The following SLIT3 variants were observed in gnomAD, a reference collection of about 807,000 sequenced individuals.
SLIT3 encodes slit guidance ligand 3.
In SLIT3, 68 loss-of-function variants were observed where a neutral mutation model predicts 184.0. The observed-to-expected ratio is 0.37, with a 90% CI of 0.30 to 0.45. The LOEUF is 0.45. SLIT3 is among the 20% of genes least tolerant of loss of function. The pLI, the probability that SLIT3 is intolerant of heterozygous loss-of-function variation, is 1.00. For synonymous variants in SLIT3, 831 were observed against 828.6 expected (o/e 1.00, Z -0.05); for missense variants, 1,707 against 2,026.0 (o/e 0.84, Z 3.02).
chr5:169,184,174 G>A (rs566216616), intron 4 of SLIT3, among the ~76,000 whole-genome samples: 19 of 152,312 alleles, frequency 1.2e-4, no homozygotes, highest in African/African-American at 4.6e-4. Flanking sequence ...ATAAGAGCAC[G>A]TGCTTATATA....
chr5:169,068,944 A>G (rs1460607431), intron 4 of SLIT3, among the ~76,000 whole-genome samples: 23 of 152,196 alleles, frequency 1.5e-4, no homozygotes. Flanking sequence ...TAATATATTT[A>G]TTGGGTGTTT....
intron 4 of SLIT3, among the ~76,000 whole-genome samples, chr5:169,136,848 T>C (rs554355672): frequency 6.6e-6 from 1 of 152,284 alleles, no homozygotes; most frequent in African/African-American, 2.4e-5. Context: ...TTTAGGCCTC[T>C]GGACTTTAGA....
intron 3 of SLIT3, among the ~76,000 whole-genome samples, chr5:169,197,195 C>T (rs1349357057): frequency 6.6e-6 from 1 of 152,144 alleles, no homozygotes; most frequent in Non-Finnish European, 1.5e-5. Flanking sequence ...TTGTGTGCTG[C>T]CCACTGCTTC....
chr5:168,777,889 G>T (rs1755818099), intron 12 of SLIT3, among the ~76,000 whole-genome samples: 2 of 152,242 alleles, frequency 1.3e-5, no homozygotes, highest in South Asian at 4.1e-4. Flanking sequence ...TGGCTTCCAT[G>T]AAAGGAGCTC....
chr5:168,979,212 C>A (rs1754869325), intron 4 of SLIT3, among the ~76,000 whole-genome samples: 1 of 152,234 alleles, frequency 6.6e-6, no homozygotes, highest in African/African-American at 2.4e-5. Context: ...CAAACCAGAT[C>A]AACCTTCAAA....
intron 7 of SLIT3, among the ~76,000 whole-genome samples, chr5:168,820,137 G>A (rs184601923): frequency 2.0e-5 from 3 of 152,300 alleles, no homozygotes; most frequent in South Asian, 2.1e-4. Flanking sequence ...CAGGGGTAGC[G>A]CTAATCCTCT....
chr5:168,725,245 C>G (rs1763071242), intron 20 of SLIT3, among the ~76,000 whole-genome samples: 1 of 152,158 alleles, frequency 6.6e-6, no homozygotes, highest in South Asian at 2.1e-4. Context: ...CTACACTGAC[C>G]TGCTCACCTA....
chr5:168,776,953 G>A (rs925711504), intron 12 of SLIT3, among the ~76,000 whole-genome samples: 27 of 152,072 alleles, frequency 1.8e-4, no homozygotes, highest in African/African-American at 6.0e-4. Context: ...CAGGTCAGAG[G>A]TGCCCATTTG....
intron 5 of SLIT3, among the ~76,000 whole-genome samples, chr5:168,854,819 C>T (rs1758803668): frequency 6.6e-6 from 1 of 152,158 alleles, no homozygotes; most frequent in South Asian, 2.1e-4. Flanking sequence ...CGAGGCATCA[C>T]TCAAAGGTAT....
At chr5:168,861,862 C>G (rs1244121067) in intron 5 of SLIT3, among the ~76,000 whole-genome samples, 1 of 152,206 alleles carries the variant, frequency 6.6e-6, no homozygotes, top group African/African-American at 2.4e-5. Context: ...TGTTCAACTT[C>G]TGAGGCACAC....
At chr5:168,839,448 A>T (rs886788210) in intron 6 of SLIT3, among the ~76,000 whole-genome samples, 1 of 152,210 alleles carries the variant, frequency 6.6e-6, no homozygotes, top group Non-Finnish European at 1.5e-5. Context: ...AGCTGACTGC[A>T]ATGCAGAAAT....
At chr5:169,086,533 G>T (rs572829020) in intron 4 of SLIT3, among the ~76,000 whole-genome samples, 38 of 152,152 alleles carry the variant, frequency 2.5e-4, no homozygotes, top group Non-Finnish European at 4.7e-4. Context: ...AAAAATAAAA[G>T]AAATGCACAT....
chr5:168,964,922 G>T (rs1303013917), intron 4 of SLIT3, among the ~76,000 whole-genome samples: 1 of 152,212 alleles, frequency 6.6e-6, no homozygotes, highest in Non-Finnish European at 1.5e-5. Flanking sequence ...AGGTATGGTT[G>T]ATGTGTCCAA....
intron 4 of SLIT3, among the ~76,000 whole-genome samples, chr5:169,137,701 C>T (rs1275853316): frequency 2.0e-5 from 3 of 151,884 alleles, no homozygotes; most frequent in Non-Finnish European, 4.4e-5. Context: ...ACCCTCACAT[C>T]CTTGCCTTGC....
chr5:168,806,103 A>C (rs1439081117), intron 9 of SLIT3, among the ~76,000 whole-genome samples: 1 of 152,254 alleles, frequency 6.6e-6, no homozygotes, highest in South Asian at 2.1e-4. Context: ...CTTGTGGGCC[A>C]TGCAGTCTTC....
chr5:169,127,352 A>G (rs1761119599), intron 4 of SLIT3, among the ~76,000 whole-genome samples: 1 of 152,186 alleles, frequency 6.6e-6, no homozygotes, highest in Non-Finnish European at 1.5e-5. Flanking sequence ...ACTAAAAGGA[A>G]GCAGCAGCTG....
chr5:168,793,889 T>C (rs1218791515), intron 10 of SLIT3, among the ~76,000 whole-genome samples: 3 of 152,110 alleles, frequency 2.0e-5, no homozygotes, highest in Non-Finnish European at 4.4e-5. Context: ...GGCCTATATT[T>C]ATACAGCTCC....
At chr5:168,956,448 A>T (rs1201864853) in intron 4 of SLIT3, among the ~76,000 whole-genome samples, 1 of 152,238 alleles carries the variant, frequency 6.6e-6, no homozygotes, top group South Asian at 2.1e-4. Flanking sequence ...TATTAAAAAA[A>T]ATCAAATTAC....
intron 3 of SLIT3, among the ~76,000 whole-genome samples, chr5:169,194,854 T>C (rs1463886908): frequency 6.6e-6 from 1 of 152,214 alleles, no homozygotes; most frequent in Non-Finnish European, 1.5e-5. Context: ...GCCATCATTA[T>C]GATCTCCATG....
Sources: gnomAD v4.1 joint callset for allele counts (sites outside exome capture counted in the v4.1 genomes callset) on GRCh38, gnomAD v4.1.1 for gene constraint, MANE v1.5 for transcripts, NCBI Gene and HGNC (gene_info 2026-07-23, HGNC 2026-07-21) for gene names.